Variants in BBS9 observed in about 807,000 individuals in gnomAD.
BBS9 encodes the protein protein PTHB1.
In BBS9, 89 loss-of-function variants were observed where a neutral mutation model predicts 117.7. The ratio of observed to expected loss-of-function variants is 0.76; its 90% confidence interval spans 0.64 to 0.90. The LOEUF is 0.90. Ranked by LOEUF, BBS9 falls within the 40% of genes least tolerant of loss-of-function variation. The pLI is 0.00. For synonymous variants in BBS9, 379 were observed against 370.9 expected, an observed-to-expected ratio of 1.02 and a Z score of -0.25; for missense variants, 982 against 1,042.2, an observed-to-expected ratio of 0.94 and a Z score of 0.80.
Position 33,200,135 on chromosome 7 carries a change from C to A in BBS9, c.442+22544C>A, listed in dbSNP as rs138283963. ...GTAGAAGTTTTGATTATTGACACTT[C>A]CTTTTTCTTATCCTCCTTCCAATTA... On this transcript the variant is annotated intron_variant, in intron 5 of 22. Transcript: ENST00000242067. 8.4e-4 allele frequency among the ~76,000 whole-genome samples: 128 copies of A among 152,054 alleles called. 1 individual carries two copies. Among genetic ancestry groups the A allele is most frequent in the Non-Finnish European group, 1.8e-3 (121 of 67,918 alleles).
At chr7:33,246,674 G>T (rs1463977763) in intron 5 of BBS9, among the ~76,000 whole-genome samples, 1 of 152,078 alleles carries the variant, frequency 6.6e-6, no homozygotes, top group East Asian at 1.9e-4. Context: ...TACAGGAGAA[G>T]AAAGGAATGC....
chr7:33,365,785 T>C (rs1467091862), intron 16 of BBS9, among the ~76,000 whole-genome samples: 1 of 152,224 alleles, frequency 6.6e-6, no homozygotes, highest in East Asian at 1.9e-4. Context: ...GAGGCATTAG[T>C]GTTTATGAAA....
intron 21 of BBS9, among the ~76,000 whole-genome samples, chr7:33,539,795 C>T (rs1169211534): frequency 1.3e-5 from 2 of 152,210 alleles, no homozygotes; most frequent in Non-Finnish European, 2.9e-5. Flanking sequence ...CACAGTTCTC[C>T]AGTAACACTT....
At chr7:33,519,155 A>C (rs1395195581) in intron 20 of BBS9, among the ~76,000 whole-genome samples, 1 of 152,180 alleles carries the variant, frequency 6.6e-6, no homozygotes, top group Non-Finnish European at 1.5e-5. Flanking sequence ...GTATTTTTAG[A>C]CACGTTTTTC....
At chr7:33,392,973 A>G (rs1015018288) in intron 19 of BBS9, among the ~76,000 whole-genome samples, 2 of 152,098 alleles carry the variant, frequency 1.3e-5, no homozygotes, top group African/African-American at 2.4e-5. Context: ...TGAGATCCCT[A>G]TGAGCAACAT....
intron 21 of BBS9, among the ~76,000 whole-genome samples, chr7:33,537,977 A>G (rs1386102071): frequency 1.3e-5 from 2 of 152,210 alleles, no homozygotes; most frequent in East Asian, 3.8e-4. Context: ...AAGAAATAAT[A>G]TAGATAAGTG....
chr7:33,264,320 A>G lies in BBS9; in HGVS notation c.648A>G (p.Ala216=). The change falls in exon 7 of 23, where the codon GCA becomes GCG. Residue 216 remains alanine, a synonymous_variant. Coordinates refer to ENST00000242067, the MANE Select transcript of BBS9 (RefSeq NM_198428.3). The stretch of plus-strand genomic sequence containing the variant: ...AGGTACTTGCTTTTGCAACAGATGC[A>G]GATAAAAGGCAGGAGACTGAACAGC... The part of the protein sequence containing the change: ...KYQVLAFATD[A]DKRQETEQQK... 1.3e-6 allele frequency: 2 copies of G among 1,563,102 alleles called. No homozygotes were observed. Among genetic ancestry groups the G allele is most frequent in the Non-Finnish European group, 1.7e-6 (2 of 1,154,082 alleles).
intron 6 of BBS9, among the ~76,000 whole-genome samples, chr7:33,262,791 C>G (rs1430557063): frequency 1.3e-5 from 2 of 152,308 alleles, no homozygotes; most frequent in South Asian, 2.1e-4. Context: ...AATGCCTTCT[C>G]CTTCTTTACC....
At chr7:33,416,287 CCTT>C (rs1346188912) in intron 19 of BBS9, among the ~76,000 whole-genome samples, 15 of 151,324 alleles carry the variant, frequency 9.9e-5, no homozygotes, top group Non-Finnish European at 2.9e-5. Context: ...ATGGGTCCTG[CCTT>C]CTTCTGCTTG....
intron 21 of BBS9, among the ~76,000 whole-genome samples, chr7:33,569,407 GTA>G (rs1554541461): frequency 8.7e-5 from 13 of 149,604 alleles, no homozygotes; most frequent in African/African-American, 3.2e-4. Context: ...ATACAGATGT[GTA>G]TATATATATA....
At chr7:33,518,152 G>A (rs1848073310) in intron 20 of BBS9, among the ~76,000 whole-genome samples, 1 of 151,714 alleles carries the variant, frequency 6.6e-6, no homozygotes, top group African/African-American at 2.4e-5. Flanking sequence ...TGAGGCTAGG[G>A]CATGAGAGCT....
chr7:33,363,239 A>C (rs1361263189), intron 16 of BBS9, among the ~76,000 whole-genome samples: 1 of 152,050 alleles, frequency 6.6e-6, no homozygotes, highest in Non-Finnish European at 1.5e-5. Context: ...AGTAGTTGGG[A>C]CTACAGGCAC....
chr7:33,537,302 A>G (rs1302080348), intron 21 of BBS9, among the ~76,000 whole-genome samples: 2 of 152,186 alleles, frequency 1.3e-5, no homozygotes, highest in East Asian at 3.9e-4. Context: ...AGCGAAGGCC[A>G]TGGTGACAAC....
At chr7:33,411,501 T>A (rs1199914697) in intron 19 of BBS9, among the ~76,000 whole-genome samples, 1 of 152,182 alleles carries the variant, frequency 6.6e-6, no homozygotes, top group African/African-American at 2.4e-5. Context: ...CTTTTTCCTA[T>A]ACATGTAAAT....
At chr7:33,515,021 C>T (rs966382007) in intron 20 of BBS9, among the ~76,000 whole-genome samples, 2 of 152,030 alleles carry the variant, frequency 1.3e-5, no homozygotes, top group Non-Finnish European at 2.9e-5. Context: ...TGGTGCCTGG[C>T]ATGTGACAGG....
At chr7:33,364,971 T>G (rs567811278) in intron 16 of BBS9, among the ~76,000 whole-genome samples, 28 of 151,936 alleles carry the variant, frequency 1.8e-4, no homozygotes, top group African/African-American at 6.8e-4. Flanking sequence ...TCAAATGATG[T>G]GCCTGCCTCG....
At chr7:33,406,587 C>T (rs1294788617) in intron 19 of BBS9, among the ~76,000 whole-genome samples, 2 of 152,070 alleles carry the variant, frequency 1.3e-5, no homozygotes, top group Non-Finnish European at 2.9e-5. Flanking sequence ...TGTGCCTTTC[C>T]ATGTTTAGTG....
intron 19 of BBS9, among the ~76,000 whole-genome samples, chr7:33,500,858 C>T (rs900195208): frequency 6.6e-6 from 1 of 152,170 alleles, no homozygotes; most frequent in African/African-American, 2.4e-5. Context: ...TGAGCGTTTT[C>T]CTGCAAGCAG....
intron 9 of BBS9, among the ~76,000 whole-genome samples, chr7:33,290,802 A>C (rs1378366409): frequency 1.3e-5 from 2 of 152,216 alleles, no homozygotes; most frequent in Non-Finnish European, 2.9e-5. Context: ...ATTGAAATGA[A>C]TTACTTTTTA....
Sources: gnomAD v4.1 joint callset for allele counts (sites outside exome capture counted in the v4.1 genomes callset) on GRCh38, gnomAD v4.1.1 for gene constraint, MANE v1.5 for transcripts, NCBI Gene and HGNC (gene_info 2026-07-23, HGNC 2026-07-21) for gene names.